The following DIP2A variants were observed in gnomAD, a reference collection of about 807,000 sequenced individuals.
DIP2A encodes the protein disco-interacting protein 2 homolog A.
A neutral mutation model predicts 177.4 loss-of-function variants in DIP2A; 85 were observed. The observed-to-expected ratio is 0.48, with a 90% confidence interval of 0.40 to 0.57. The LOEUF is 0.57. Among genes scored for constraint, DIP2A ranks in the 20% least tolerant of loss-of-function variants. DIP2A has a pLI of 0.00. For missense variants in DIP2A, 1,791 were observed against 2,100.2 expected, an observed-to-expected ratio of 0.85 and a Z score of 2.88; for synonymous variants, 886 against 881.8, an observed-to-expected ratio of 1.00 and a Z score of -0.08.
chr21:46,512,366 A>G (rs945483177), intron 8 of DIP2A, among the ~76,000 whole-genome samples: 1 of 152,226 alleles, frequency 6.6e-6, no homozygotes, highest in South Asian at 2.1e-4. Context: ...ACATACTGCC[A>G]AACAGTTTTC....
rs935521525 is a variant in DIP2A at position 46,458,980 on chromosome 21, G to C, written c.-152G>C. ...CTCGTGCCCGCGCGGGTGCGTTGCT[G>C]TCCTGGCCGCGCCCCTGTCCCGCCG... On this transcript the variant is annotated 5_prime_UTR_variant, in exon 1 of 38. Transcript: ENST00000417564. 28 of 569,192 alleles carry C rather than the reference G, an allele frequency of 4.9e-5. No homozygotes were observed. In the South Asian group the frequency reaches 5.0e-4, roughly 10 times the overall value. 35.3% of individuals were successfully genotyped at this position (569,192 alleles called of 1,614,324 possible).
At chr21:46,544,021 C>T (rs144960466) in intron 18 of DIP2A, among the ~76,000 whole-genome samples, 50 of 152,288 alleles carry the variant, frequency 3.3e-4, no homozygotes, top group African/African-American at 1.2e-3. Context: ...CAGTTCCTAG[C>T]TGACCCAATG....
At chr21:46,522,925 T>A (rs2330595) in intron 8 of DIP2A, among the ~76,000 whole-genome samples, 127,615 of 151,728 alleles carry the variant, frequency 0.84, 54,058 homozygotes, top group African/African-American at 0.94. Flanking sequence ...TTAATTAATT[T>A]AAAAAAATTT....
chr21:46,472,905 A>G (rs2148338276), intron 1 of DIP2A, among the ~76,000 whole-genome samples: 1 of 152,254 alleles, frequency 6.6e-6, no homozygotes, highest in Non-Finnish European at 1.5e-5. Flanking sequence ...TACGATGGGA[A>G]AGTTCTGTGG....
chr21:46,543,847 C>T (rs1468128456), intron 18 of DIP2A, among the ~76,000 whole-genome samples: 1 of 152,224 alleles, frequency 6.6e-6, no homozygotes, highest in East Asian at 1.9e-4. Context: ...ATCAGCCAAG[C>T]ACCACCTTCC....
At chr21:46,576,335 A>G in the DIP2A span, among the ~76,000 whole-genome samples, 29 of 151,970 alleles carry the variant, frequency 1.9e-4, no homozygotes, top group Non-Finnish European at 5.9e-5. Context: ...CTATGTGTTC[A>G]TAATGTTCAG....
At chr21:46,559,933 C>T (rs1393954198) in intron 32 of DIP2A, among the ~76,000 whole-genome samples, 4 of 152,212 alleles carry the variant, frequency 2.6e-5, no homozygotes, top group Non-Finnish European at 5.9e-5. Flanking sequence ...GTGACTTTCT[C>T]GTGAATTCTA....
At chr21:46,538,667 A>G in intron 16 of DIP2A, 65 bp downstream of exon 16, 1 of 1,517,464 alleles carries the variant, frequency 6.6e-7, no homozygotes, top group Non-Finnish European at 8.8e-7. Flanking sequence ...CCAAAGTAGA[A>G]TACACTGAGA....
At chr21:46,536,440 G>A (rs566249183) in intron 13 of DIP2A, among the ~76,000 whole-genome samples, 1 of 152,294 alleles carries the variant, frequency 6.6e-6, no homozygotes, top group African/African-American at 2.4e-5. Context: ...ACTTTCCGAA[G>A]GGTGATGCAA....
intron 3 of DIP2A, among the ~76,000 whole-genome samples, chr21:46,492,969 C>T (rs1030123879): frequency 6.6e-6 from 1 of 151,774 alleles, no homozygotes; most frequent in Non-Finnish European, 1.5e-5. Context: ...GGCACTAGAG[C>T]TTGCTGGCCC....
chr21:46,482,765 T>A (rs2056434929), intron 1 of DIP2A, among the ~76,000 whole-genome samples: 1 of 152,116 alleles, frequency 6.6e-6, no homozygotes. Flanking sequence ...AAGGACTTGG[T>A]GATATTACTA....
intron 1 of DIP2A, among the ~76,000 whole-genome samples, chr21:46,482,778 G>T (rs1489781493): frequency 1.3e-5 from 2 of 152,164 alleles, no homozygotes; most frequent in African/African-American, 2.4e-5. Context: ...TATTACTAGG[G>T]ATTTGGCATC....
In DIP2A at chr21:46,560,745, A is replaced by G. The variant is rs2060635612; in HGVS notation, c.3993A>G (p.Thr1331=). 6.2e-7 allele frequency: 1 copy of G among 1,609,500 alleles called. No individual in the cohort carries two copies. The highest frequency in any genetic ancestry group is 1.7e-5 in the Admixed American group (1 of 59,500). ...CLQGTAGPDP[T]TVYVDMRALR... ...AGGGCACAGCTGGCCCGGACCCCAC[A>G]ACCGTCTACGTGGACATGCGGGCAC... The change falls in exon 33 of 38, where the codon ACA becomes ACG. Residue 1331 remains threonine (T), a synonymous_variant. Transcript: ENST00000417564.
At chr21:46,463,355 G>A (rs1402615433) in intron 1 of DIP2A, 1 of 152,206 alleles carries the variant, frequency 6.6e-6, no homozygotes, top group Non-Finnish European at 1.5e-5. Context: ...GTGTCTTGGA[G>A]CTATTGCTGC....
chr21:46,549,839 A>G lies in DIP2A; in HGVS notation c.2591A>G (p.Asp864Gly). ...RIVLVAEQRPDASEEDSFQWM... is the reference protein window; with the variant it reads ...RIVLVAEQRPGASEEDSFQWM... ...GTCCTGGTGGCTGAGCAGCGGCCGGATGCCTCGGAGGAGGACAGCTTCCAG... is the reference window on the plus strand; with the variant it reads ...GTCCTGGTGGCTGAGCAGCGGCCGGGTGCCTCGGAGGAGGACAGCTTCCAG... The change falls in exon 22 of 38, where the codon GAT (aspartate) becomes GGT (glycine). Residue 864 changes from aspartate to glycine, a missense_variant. Coordinates refer to ENST00000417564, the MANE Select transcript of DIP2A (RefSeq NM_015151.4). 2.5e-6 allele frequency: 4 copies of G among 1,613,148 alleles called. No individual in the cohort carries two copies. The South Asian group carries it at 4.4e-5, about 18-fold the overall frequency.
Position 46,556,132 on chromosome 21 carries a change from T to G in DIP2A, c.3498+41T>G, listed in dbSNP as rs1264856787. 1.9e-6 allele frequency: 3 copies of G among 1,553,162 alleles called. No individual in the cohort carries two copies. The highest frequency in any genetic ancestry group is 2.7e-5 in the African/African-American group (2 of 73,476). On this transcript the variant is annotated intron_variant, in intron 29 of 37. Transcript: ENST00000417564. This position sits in a 1 kb window ranked among gnomAD's most constrained non-coding sequence, Gnocchi z 4.5. ...TCTTGTTTGCTTCAGCCCCTAGAAA[T>G]CAGGAGGAGTGGACAGAAAGGATGT...
chr21:46,574,626 C>T (rs1039531176), downstream of DIP2A, among the ~76,000 whole-genome samples: 3 of 151,978 alleles, frequency 2.0e-5, no homozygotes, highest in Admixed American at 6.6e-5. Context: ...AAATTGGAAA[C>T]GTTACCAATT....
Position 46,504,342 on chromosome 21 carries a change from G to A in DIP2A, c.656-19G>A. ...GACTTAACAGCCACTTTCATTTTGG[G>A]TGTGTTTTTCAAAAGCAGATCTGCA... is the stretch of plus-strand genomic sequence containing the variant. On this transcript the variant is annotated intron_variant, in intron 5 of 37. Transcript: ENST00000417564. 1.9e-6 allele frequency: 3 copies of A among 1,613,144 alleles called. No homozygotes were observed. The highest frequency in any genetic ancestry group is 2.5e-6 in the Non-Finnish European group (3 of 1,179,530).
rs1268167226 is a variant in DIP2A, at chr21:46,537,361, T to C, written c.1707+73T>C. On this transcript the variant is annotated intron_variant, in intron 14 of 37. Transcript: ENST00000417564. This position sits in a 1 kb window ranked among gnomAD's most constrained non-coding sequence, Gnocchi z 4.1. ...TGAACCCAAGCCTCTGCCTGAAATG[T>C]TGTTGGGAGAGTACATCGGTTTTGT... The C allele has an allele frequency of 1.9e-6, 3 of 1,610,876 alleles. No homozygotes were observed. The highest frequency in any genetic ancestry group is 2.2e-5 in the East Asian group (1 of 44,872).
Sources: allele counts gnomAD v4.1 joint callset (sites outside exome capture counted in the v4.1 genomes callset), GRCh38; gene constraint gnomAD v4.1.1; non-coding constraint Gnocchi (gnomAD v3.1); transcripts MANE v1.5; gene names NCBI Gene and HGNC (gene_info 2026-07-23, HGNC 2026-07-21).